Variants in ZNF536 observed in about 807,000 individuals in gnomAD.
The protein encoded by ZNF536 is zinc finger protein 536.
ZNF536 carries 13 observed loss-of-function variants against 84.5 expected under a neutral mutation model. The ratio of observed to expected loss-of-function variants is 0.15; its 90% confidence interval spans 0.10 to 0.24. ZNF536 has a LOEUF of 0.24. Ranked by LOEUF, ZNF536 falls within the 10% of genes least tolerant of loss-of-function variation. ZNF536 has a pLI of 1.00. For missense variants in ZNF536, 1,536 were observed against 1,747.5 expected (o/e 0.88, Z 2.16); for synonymous variants, 811 against 742.5 (o/e 1.09, Z -1.50).
intron 2 of ZNF536, among the ~76,000 whole-genome samples, chr19:30,302,226 T>C (rs1349224417): frequency 6.6e-6 from 1 of 152,146 alleles, no homozygotes; most frequent in East Asian, 1.9e-4. Flanking sequence ...GCAGATTGTG[T>C]TGCTCTGCTG....
chr19:30,445,527 G>A lies in ZNF536; in HGVS notation c.1965G>A (p.Arg655=), dbSNP rs2148228277. 6.2e-7 allele frequency: 1 copy of A among 1,613,886 alleles called. No homozygotes were observed. The highest frequency in any genetic ancestry group is 8.5e-7 in the Non-Finnish European group (1 of 1,179,940). Residue 655 remains arginine (R), a synonymous_variant, in exon 2 of 5, where the codon CGG becomes CGA. Coordinates refer to ENST00000355537, the MANE Select transcript of ZNF536 (RefSeq NM_014717.3). This position sits in a 1 kb window ranked among gnomAD's most constrained non-coding sequence, Gnocchi z 4.5. Reference sequence around the variant, plus strand: ...TCGTGCACTCCCGTGTCCACAAGCGGGACCGCAAGGGCGAGGAGGATGGGC... The same window carrying A: ...TCGTGCACTCCCGTGTCCACAAGCGAGACCGCAAGGGCGAGGAGGATGGGC... ...QVVVHSRVHK[R]DRKGEEDGLH...
intron 1 of ZNF536, among the ~76,000 whole-genome samples, chr19:30,662,962 C>CT (rs951081577): frequency 0.1 from 8,249 of 78,726 alleles, 364 homozygotes; most frequent in African/African-American, 0.12. Flanking sequence ...TTTTTCGTTT[C>CT]TTTTTTTTTT....
chr19:30,378,241 C>T (rs564643914), intron 1 of ZNF536, among the ~76,000 whole-genome samples: 69 of 152,278 alleles, frequency 4.5e-4, no homozygotes, highest in Non-Finnish European at 7.1e-4. Flanking sequence ...TGGCTCACTG[C>T]AAACTGCCTC....
At chr19:30,329,607 C>A (rs777823697) in intron 2 of ZNF536, among the ~76,000 whole-genome samples, 4 of 152,130 alleles carry the variant, frequency 2.6e-5, no homozygotes, top group Non-Finnish European at 4.4e-5. Flanking sequence ...CTTGTTGGAA[C>A]TATCTTTTGC....
At chr19:30,670,407 G>A (rs1019661068) in intron 1 of ZNF536, among the ~76,000 whole-genome samples, 17 of 152,224 alleles carry the variant, frequency 1.1e-4, no homozygotes, top group Admixed American at 7.9e-4. Context: ...CACGATGACT[G>A]CACCTGTGTA....
intron 1 of ZNF536, among the ~76,000 whole-genome samples, chr19:30,426,711 G>T (rs1019073337): frequency 1.3e-5 from 2 of 152,142 alleles, no homozygotes; most frequent in Non-Finnish European, 2.9e-5. Context: ...AGGACCCCAG[G>T]GTTGGTTCCT....
Position 30,423,010 on chromosome 19 carries a change from C to CATCT in ZNF536, c.-2-20551_-2-20550insATCT, listed in dbSNP as rs993263611. Among the ~76,000 whole-genome samples the CATCT allele has an allele frequency of 1.1e-4, 12 of 112,432 alleles. 1 individual carries two copies. Among genetic ancestry groups the CATCT allele is most frequent in the Non-Finnish European group, 1.3e-4 (7 of 53,544 alleles). 73.8% of individuals were successfully genotyped at this position (112,432 alleles called of 152,430 possible). A position where few individuals can be genotyped will look rare whatever the true frequency, so the allele number is the denominator to read the frequency against. On this transcript the variant is annotated intron_variant, in intron 1 of 4. Transcript: ENST00000355537. ...ACATCCATCCATCCATCCATCCATCCTCCCACCCACCCATCCCTCCCTTCA... is the reference window on the plus strand; with the variant it reads ...ACATCCATCCATCCATCCATCCATCCATCTTCCCACCCACCCATCCCTCCCTTCA...
At chr19:30,550,599 AGAAG>A (rs964238648) in intron 4 of ZNF536, among the ~76,000 whole-genome samples, 70 of 152,036 alleles carry the variant, frequency 4.6e-4, no homozygotes, top group African/African-American at 1.6e-3. Context: ...CAGGATGGAA[AGAAG>A]GAAGGAAGGA....
intron 2 of ZNF536, among the ~76,000 whole-genome samples, chr19:30,490,381 T>C (rs2054461234): frequency 6.6e-6 from 1 of 152,138 alleles, no homozygotes; most frequent in Non-Finnish European, 1.5e-5. Flanking sequence ...GACCCTTTCA[T>C]CTCCAGGAGG....
At chr19:30,566,253 G>A (rs559262784) in intron 1 of ZNF536, among the ~76,000 whole-genome samples, 2 of 152,118 alleles carry the variant, frequency 1.3e-5, no homozygotes, top group Non-Finnish European at 2.9e-5. Flanking sequence ...CCAGCCGTGT[G>A]GGGGCATCCT....
chr19:30,331,292 TAAAAAAAAAAAAAAA>T (rs11324495), intron 2 of ZNF536, among the ~76,000 whole-genome samples: 4 of 41,720 alleles, frequency 9.6e-5, no homozygotes, highest in Non-Finnish European at 1.6e-4. Context: ...CCCTGTATCT[TAAAAAAAAAAAAAAA>T]AAAAAAAAAA....
chr19:30,599,305 T>C (rs371394426), intron 1 of ZNF536, among the ~76,000 whole-genome samples: 8 of 120,040 alleles, frequency 6.7e-5, no homozygotes, highest in African/African-American at 2.6e-4. Flanking sequence ...TCCCTTCATT[T>C]CTTTTTCCTT....
exon 2 of ZNF536, chr19:30,712,587 T>G (rs1320124415): frequency 2.0e-5 from 3 of 152,146 alleles, no homozygotes; most frequent in Admixed American, 1.3e-4. Flanking sequence ...CCAGAAAGAA[T>G]CTCAGGCTAA....
At chr19:30,374,746 A>G (rs1454493761) in intron 1 of ZNF536, among the ~76,000 whole-genome samples, 2 of 150,508 alleles carry the variant, frequency 1.3e-5, no homozygotes, top group African/African-American at 4.9e-5. Context: ...TCTCTCCTCC[A>G]GAGAGGGCGA....
In ZNF536 at chr19:30,557,302, A is replaced by G; in HGVS notation, c.*138A>G. On this transcript the variant is annotated 3_prime_UTR_variant, in exon 5 of 5. Transcript: ENST00000355537. ...TGTGTGTTGAATAATTACTATTGGC[A>G]TAGGTATGTGTATACACACGGTGCA... is the stretch of plus-strand genomic sequence containing the variant. The G allele has an allele frequency of 1.0e-6, 1 of 1,000,816 alleles. No homozygotes were observed. Among genetic ancestry groups the G allele is most frequent in the Non-Finnish European group, 1.6e-6 (1 of 641,392 alleles). 62.0% of individuals were successfully genotyped at this position (1,000,816 alleles called of 1,614,324 possible). A position where few individuals can be genotyped will look rare whatever the true frequency, so the allele number is the denominator to read the frequency against.
At chr19:30,461,351 C>G (rs2053125977) in intron 2 of ZNF536, among the ~76,000 whole-genome samples, 1 of 152,208 alleles carries the variant, frequency 6.6e-6, no homozygotes. Context: ...AGCTCACCAG[C>G]AAACTCGGCT....
intron 2 of ZNF536, among the ~76,000 whole-genome samples, chr19:30,292,813 C>A (rs1038783236): frequency 2.6e-5 from 4 of 152,180 alleles, no homozygotes; most frequent in African/African-American, 9.7e-5. Flanking sequence ...CTAAGACCCA[C>A]GCCTTATGTT....
rs2049945154 is a variant in ZNF536 at position 30,657,203 on chromosome 19, G to A, written c.170-53554G>A. ...AGTCAGATGCATCTAACAGACTGGG[G>A]GAGAGCTCTGGAGAGGGTGCTATGT... On this transcript the variant is annotated intron_variant, in intron 1 of 1. Transcript: ENST00000592773. Among the ~76,000 whole-genome samples, 5 of 152,310 alleles carry A rather than the reference G, an allele frequency of 3.3e-5. No homozygotes were observed. The South Asian group carries it at 1.0e-3, about 32-fold the overall frequency.
intron 1 of ZNF536, among the ~76,000 whole-genome samples, chr19:30,402,662 C>G (rs560014436): frequency 1.3e-5 from 2 of 151,540 alleles, no homozygotes; most frequent in African/African-American, 4.8e-5. Flanking sequence ...AAACCGCGGC[C>G]GACGTGGGTT....
Sources: allele counts gnomAD v4.1 joint callset (sites outside exome capture counted in the v4.1 genomes callset), GRCh38; gene constraint gnomAD v4.1.1; non-coding constraint Gnocchi (gnomAD v3.1); transcripts MANE v1.5; gene names NCBI Gene and HGNC (gene_info 2026-07-23, HGNC 2026-07-21).